The following MIA2 variants were observed in gnomAD, a reference collection of about 807,000 sequenced individuals.
The protein encoded by MIA2 is melanoma inhibitory activity protein 2.
Under a neutral mutation model 167.8 loss-of-function variants are expected in MIA2, and 127 were observed. The observed-to-expected ratio is 0.76, with a 90% CI of 0.66 to 0.88. The LOEUF (loss-of-function observed/expected upper bound fraction) is 0.88. MIA2 is among the 40% of genes least tolerant of loss of function. The pLI, the probability that MIA2 is intolerant of heterozygous loss-of-function variation, is 0.00. For synonymous variants in MIA2, 552 were observed against 541.9 expected (o/e 1.02, Z -0.26); for missense variants, 1,690 against 1,624.7 (o/e 1.04, Z -0.69).
intron 20 of MIA2, 197 bp downstream of exon 20, chr14:39,314,996 G>C (rs1787518052): frequency 2.3e-6 from 1 of 436,294 alleles, no homozygotes; most frequent in African/African-American, 2.0e-5. Context: ...TAAAATTGCT[G>C]TATTGGCTGG....
chr14:39,349,070 G>A, intron 28 of MIA2, 93 bp downstream of exon 28: 1 of 1,425,586 alleles, frequency 7.0e-7, no homozygotes, highest in Non-Finnish European at 9.5e-7. Flanking sequence ...TAACACAGTG[G>A]AGGAAAGTTT....
chr14:39,297,028 C>T (rs145209453), intron 13 of MIA2, among the ~76,000 whole-genome samples: 1,572 of 151,938 alleles, frequency 0.01, 34 homozygotes, highest in African/African-American at 0.036. Flanking sequence ...CCACTCACCT[C>T]GGCCTCCCAA....
At chr14:39,377,595 T>A (rs1364215176) in intron 23 of MIA2, among the ~76,000 whole-genome samples, 3 of 152,192 alleles carry the variant, frequency 2.0e-5, no homozygotes, top group Non-Finnish European at 4.4e-5. Flanking sequence ...ACAGGTATAC[T>A]ATAATTTAAT....
At chr14:39,238,113 AG>A (rs1180751663) in intron 2 of MIA2, among the ~76,000 whole-genome samples, 1 of 152,086 alleles carries the variant, frequency 6.6e-6, no homozygotes, top group Non-Finnish European at 1.5e-5. Context: ...GAGCAAATGA[AG>A]GGCTGAGTTG....
chr14:39,327,115 C>A (rs2067727192), intron 25 of MIA2, 93 bp downstream of exon 25: 1 of 974,464 alleles, frequency 1.0e-6, no homozygotes, highest in Non-Finnish European at 1.4e-6. Flanking sequence ...TATGTTTGTT[C>A]TCTCTTAAGA....
rs150475884 is a variant in MIA2 at position 39,249,924 on chromosome 14, G to A, written c.1567+1783G>A. ...AATACCTTAACATTCCCTAAAATGT[G>A]AGCTCTCTACTCAACATCCTCAACC... is the stretch of plus-strand genomic sequence containing the variant. On this transcript the variant is annotated intron_variant, in intron 4 of 28. Coordinates refer to ENST00000640607, the MANE Select transcript of MIA2 (RefSeq NM_001329214.4). 2.4e-3 allele frequency among the ~76,000 whole-genome samples: 372 copies of A among 152,224 alleles called. 1 individual carries two copies. Among genetic ancestry groups the A allele is most frequent in the African/African-American group, 6.4e-3 (266 of 41,530 alleles).
rs188928125 is a variant in MIA2 at position 39,335,026 on chromosome 14, G to A, written c.3655+8004G>A. On this transcript the variant is annotated intron_variant, in intron 25 of 28. Coordinates refer to ENST00000640607, the MANE Select transcript of MIA2 (RefSeq NM_001329214.4). ...GCACTTTGGGAGGATGAGGTAGGAG[G>A]ATTGCTTGAGGCCAGGAGTTCTGGA... 7.6e-4 allele frequency among the ~76,000 whole-genome samples: 116 copies of A among 152,258 alleles called. 1 individual carries two copies. Among genetic ancestry groups the A allele is most frequent in the African/African-American group, 2.7e-3 (113 of 41,564 alleles).
At chr14:39,349,901 A>G (rs116063866) in intron 28 of MIA2, among the ~76,000 whole-genome samples, 197 bp from the exon 29 acceptor site, 1,622 of 152,304 alleles carry the variant, frequency 0.011, 29 homozygotes, top group African/African-American at 0.036. Flanking sequence ...AAAATTAATG[A>G]TATTTCCTTT....
intron 6 of MIA2, among the ~76,000 whole-genome samples, chr14:39,274,901 CCT>C (rs2152725668): frequency 6.7e-6 from 1 of 149,002 alleles, no homozygotes; most frequent in South Asian, 2.1e-4. Context: ...ATGGTGAAAC[CCT>C]GTCTCTACTA....
At chr14:39,282,400 A>G (rs191470556) in intron 9 of MIA2, among the ~76,000 whole-genome samples, 288 of 152,304 alleles carry the variant, frequency 1.9e-3, no homozygotes, top group Non-Finnish European at 3.1e-3. Flanking sequence ...GTAAATGGTT[A>G]CTATAGTGAA....
chr14:39,275,401 A>G (rs1237826224), intron 6 of MIA2, among the ~76,000 whole-genome samples: 1 of 152,222 alleles, frequency 6.6e-6, no homozygotes. Context: ...TTGGCTTCCC[A>G]AAGTGCTGGC....
At chr14:39,287,019 C>T (rs1007575720) in intron 9 of MIA2, among the ~76,000 whole-genome samples, 1 of 151,878 alleles carries the variant, frequency 6.6e-6, no homozygotes, top group Non-Finnish European at 1.5e-5. Context: ...AGCTACCATG[C>T]CAGGCCTTTT....
intron 24 of MIA2, among the ~76,000 whole-genome samples, chr14:39,322,457 C>T (rs145302394): frequency 0.02 from 3,065 of 150,988 alleles, 106 homozygotes; most frequent in African/African-American, 0.068. Flanking sequence ...AGGAGAATTG[C>T]TTGAACCCGG....
intron 24 of MIA2, among the ~76,000 whole-genome samples, chr14:39,326,212 C>A (rs2067521748): frequency 6.6e-6 from 1 of 152,136 alleles, no homozygotes; most frequent in African/African-American, 2.4e-5. Context: ...CTTATGAATT[C>A]TTCTTTTGAA....
intron 9 of MIA2, among the ~76,000 whole-genome samples, chr14:39,284,433 C>A (rs1595017251): frequency 6.6e-6 from 1 of 152,076 alleles, no homozygotes; most frequent in Non-Finnish European, 1.5e-5. Context: ...ACTAGTACCA[C>A]GTTGTTTTCG....
chr14:39,253,176 G>A lies in MIA2; in HGVS notation c.1887+5G>A. The A allele has an allele frequency of 6.2e-7, 1 of 1,608,740 alleles. No homozygotes were observed. The highest frequency in any genetic ancestry group is 8.5e-7 in the Non-Finnish European group (1 of 1,177,070). The stretch of plus-strand genomic sequence containing the variant: ...ATTGTAATTCTTACAGAAAGGGTAA[G>A]TTTGCCTTTTAAACCTTTTGCAATA... On this transcript the variant is annotated splice_donor_5th_base_variant and intron_variant, in intron 6 of 28. Transcript: ENST00000640607.
At chr14:39,255,367 G>T (rs1006806309) in intron 6 of MIA2, among the ~76,000 whole-genome samples, 2 of 152,138 alleles carry the variant, frequency 1.3e-5, no homozygotes, top group African/African-American at 4.8e-5. Flanking sequence ...AATTAGCTGG[G>T]CGTGGTGGCG....
chr14:39,329,371 G>A lies in MIA2; in HGVS notation c.3655+2349G>A, dbSNP rs886779463. 2.6e-5 allele frequency among the ~76,000 whole-genome samples: 4 copies of A among 151,986 alleles called. 1 individual carries two copies. The highest frequency in any genetic ancestry group is 6.6e-5 in the Admixed American group (1 of 15,254). ...AGGAGTGTTTGGGCTGAGATGATGG[G>A]GTTTTCTAAATATACAATCATGTCA... On this transcript the variant is annotated intron_variant, in intron 25 of 28. Coordinates refer to ENST00000640607, the MANE Select transcript of MIA2 (RefSeq NM_001329214.4).
intron 9 of MIA2, among the ~76,000 whole-genome samples, chr14:39,290,653 G>A (rs59877253): frequency 0.019 from 2,832 of 152,222 alleles, 97 homozygotes; most frequent in African/African-American, 0.063. Flanking sequence ...GACAGCTTAC[G>A]TAAAAATACG....
Sources: allele counts gnomAD v4.1 joint callset (sites outside exome capture counted in the v4.1 genomes callset), GRCh38; gene constraint gnomAD v4.1.1; transcripts MANE v1.5; gene names NCBI Gene and HGNC (gene_info 2026-07-23, HGNC 2026-07-21).